The following NINJ2 variants were observed in gnomAD, a reference collection of about 807,000 sequenced individuals.
NINJ2 encodes the protein ninjurin-2.
NINJ2 carries 12 observed loss-of-function variants against 11.7 expected under a neutral mutation model. The ratio of observed to expected loss-of-function variants is 1.02; its 90% CI spans 0.66 to 1.66. The LOEUF is 1.66. Ranked by LOEUF, NINJ2 falls within the 40% of genes most tolerant of loss-of-function variation. The pLI is 0.00. For missense variants in NINJ2, 187 were observed against 181.8 expected (o/e 1.03, Z -0.16); for synonymous variants, 93 against 76.8 (o/e 1.21, Z -1.10).
At chr12:604,301 G>A (rs895859079) in intron 1 of NINJ2, among the ~76,000 whole-genome samples, 1 of 152,206 alleles carries the variant, frequency 6.6e-6, no homozygotes, top group African/African-American at 2.4e-5. Flanking sequence ...GAGGAAATAA[G>A]TAGAACGAGG....
intron 1 of NINJ2, among the ~76,000 whole-genome samples, chr12:634,384 CT>C (rs1426235554): frequency 5.3e-5 from 8 of 150,310 alleles, no homozygotes; most frequent in Non-Finnish European, 8.9e-5. Flanking sequence ...CTCAGCCCCC[CT>C]AGTAGCTGGG....
At chr12:629,896 A>AAAAAAAAATATATATATAT in intron 1 of NINJ2, among the ~76,000 whole-genome samples, 1 of 9,898 alleles carries the variant, frequency 1.0e-4, no homozygotes, top group Non-Finnish European at 4.7e-4. Flanking sequence ...AAAAAAAAAA[A>AAAAAAAAATATATATATAT]ATATATATAT....
At chr12:589,874 G>A (rs549606199) in intron 1 of NINJ2, among the ~76,000 whole-genome samples, 10 of 152,178 alleles carry the variant, frequency 6.6e-5, no homozygotes, top group African/African-American at 1.7e-4. Context: ...GTTTTCCTCC[G>A]TGGGGTGAGG....
chr12:607,844 G>A (rs946827555), intron 1 of NINJ2, among the ~76,000 whole-genome samples: 1 of 152,184 alleles, frequency 6.6e-6, no homozygotes, highest in Non-Finnish European at 1.5e-5. Context: ...GGCCTGCTGC[G>A]GGGTGGAGAT....
rs564023849 is a variant in NINJ2 at position 592,313 on chromosome 12, G to A, written c.34-26135C>T. ...CGTCATTGCCGGAGGGATTCAGAGT[G>A]GACCCGTCACGGTACATTCTTGTGA... On this transcript the variant is annotated intron_variant, in intron 1 of 3. Coordinates refer to ENST00000305108, the MANE Select transcript of NINJ2 (RefSeq NM_016533.6). 2.6e-5 allele frequency among the ~76,000 whole-genome samples: 4 copies of A among 152,272 alleles called. No homozygotes were observed. The East Asian group carries it at 5.8e-4, about 22-fold the overall frequency.
intron 1 of NINJ2, chr12:642,983 C>G (rs1417019239): frequency 6.6e-6 from 1 of 150,536 alleles, no homozygotes; most frequent in Non-Finnish European, 1.5e-5. Flanking sequence ...CCTCCCTCCC[C>G]AGCTGGCCCG....
intron 1 of NINJ2, among the ~76,000 whole-genome samples, chr12:582,942 A>T (rs56725122): frequency 2.0e-3 from 43 of 21,738 alleles, no homozygotes; most frequent in Non-Finnish European, 2.5e-3. Context: ...GGCATGCTAG[A>T]GTGAATGAAT....
chr12:629,108 C>G (rs186990897), intron 1 of NINJ2, among the ~76,000 whole-genome samples: 1 of 152,268 alleles, frequency 6.6e-6, no homozygotes, highest in Admixed American at 6.5e-5. Context: ...TGGACTAGCC[C>G]AGAGTTCTTG....
At chr12:601,805 G>A (rs1302823556) in intron 1 of NINJ2, among the ~76,000 whole-genome samples, 1 of 152,218 alleles carries the variant, frequency 6.6e-6, no homozygotes, top group Non-Finnish European at 1.5e-5. Flanking sequence ...GGCGGAGGTT[G>A]CAGTGAACCA....
rs58255968 is a variant in NINJ2 at position 600,653 on chromosome 12, G to GGTGTGT, written c.34-34481_34-34476dup. The stretch of plus-strand genomic sequence containing the variant: ...AAGGCGGGTGGCAGAATTTTTTTGG[G>GGTGTGT]GTGTGTGTGTGTGTGTGTGTGTGTG... On this transcript the variant is annotated intron_variant, in intron 1 of 3. Coordinates refer to ENST00000305108, the MANE Select transcript of NINJ2 (RefSeq NM_016533.6). 2.1e-3 allele frequency among the ~76,000 whole-genome samples: 292 copies of GGTGTGT among 142,026 alleles called. 2 individuals carry two copies. Among genetic ancestry groups the GGTGTGT allele is most frequent in the Non-Finnish European group, 2.1e-3 (137 of 65,992 alleles). 93.2% of individuals were successfully genotyped at this position (142,026 alleles called of 152,430 possible).
intron 1 of NINJ2, among the ~76,000 whole-genome samples, chr12:661,338 T>A (rs1327480354): frequency 6.6e-6 from 1 of 152,204 alleles, no homozygotes; most frequent in East Asian, 1.9e-4. Flanking sequence ...TGCCTCAGCC[T>A]CCAAAATGCT....
intron 1 of NINJ2, among the ~76,000 whole-genome samples, chr12:661,671 TG>T (rs1937959769): frequency 1.3e-5 from 2 of 152,218 alleles, no homozygotes; most frequent in Admixed American, 6.5e-5. Context: ...CTTGCTCTTC[TG>T]AGAATGAAAA....
intron 1 of NINJ2, among the ~76,000 whole-genome samples, chr12:623,084 G>A (rs1226386457): frequency 6.6e-6 from 1 of 152,204 alleles, no homozygotes; most frequent in East Asian, 1.9e-4. Context: ...GCAAAAGACA[G>A]CATGCACTCA....
At chr12:576,154 G>C (rs954996514) in intron 1 of NINJ2, among the ~76,000 whole-genome samples, 5 of 152,210 alleles carry the variant, frequency 3.3e-5, no homozygotes, top group African/African-American at 1.2e-4. Flanking sequence ...TGAGCCCTGG[G>C]CACAGTCTCA....
At chr12:579,617 A>T (rs1273668066) in intron 1 of NINJ2, among the ~76,000 whole-genome samples, 1 of 152,152 alleles carries the variant, frequency 6.6e-6, no homozygotes, top group African/African-American at 2.4e-5. Context: ...GCCCAGGACA[A>T]ATACATAATT....
chr12:641,753 G>T (rs1948419298), intron 1 of NINJ2, among the ~76,000 whole-genome samples: 2 of 151,554 alleles, frequency 1.3e-5, no homozygotes, highest in African/African-American at 4.9e-5. Context: ...GCTGAGGGAG[G>T]AGAATTGCTT....
At chr12:648,972 A>T (rs1053244513) in intron 1 of NINJ2, among the ~76,000 whole-genome samples, 1 of 121,278 alleles carries the variant, frequency 8.2e-6, no homozygotes, top group Non-Finnish European at 1.7e-5. Context: ...CAAAGAAGTC[A>T]TCCACCTATC....
intron 1 of NINJ2, among the ~76,000 whole-genome samples, chr12:606,318 AGAT>A: frequency 6.6e-6 from 1 of 152,344 alleles, no homozygotes; most frequent in Middle Eastern, 3.4e-3. Flanking sequence ...TAGAACAAAA[AGAT>A]GATAGAGATA....
intron 1 of NINJ2, among the ~76,000 whole-genome samples, chr12:577,968 AAAG>A (rs1947492606): frequency 6.6e-6 from 1 of 152,236 alleles, no homozygotes; most frequent in Non-Finnish European, 1.5e-5. Context: ...GCCTCCAAAT[AAAG>A]AAGAAGTAAA....
Sources: gnomAD v4.1 joint callset for allele counts (sites outside exome capture counted in the v4.1 genomes callset) on GRCh38, gnomAD v4.1.1 for gene constraint, MANE v1.5 for transcripts, NCBI Gene and HGNC (gene_info 2026-07-23, HGNC 2026-07-21) for gene names.